The following GDF1 variants were observed in gnomAD, a reference collection of about 807,000 sequenced individuals.
GDF1 encodes embryonic growth/differentiation factor 1.
Under a neutral mutation model 7.4 loss-of-function variants are expected in GDF1, and 8 were observed. That is an observed-to-expected ratio of 1.09 (90% CI 0.64 to 1.96). GDF1 has a LOEUF of 1.96. Ranked by LOEUF, GDF1 falls within the 30% of genes most tolerant of loss-of-function variation. GDF1 has a pLI of 0.00. For missense variants in GDF1, 574 were observed against 551.5 expected, an observed-to-expected ratio of 1.04 and a Z score of -0.41; for synonymous variants, 311 against 276.7, an observed-to-expected ratio of 1.12 and a Z score of -1.23.
At position 18,878,046 on chromosome 19, in the gene GDF1, A is replaced by G; in HGVS notation, c.-313+884T>C. On this transcript the variant is annotated intron_variant, in intron 6 of 7. Coordinates refer to ENST00000247005, the MANE Select transcript of GDF1 (RefSeq NM_001492.6). The surrounding 1 kb of genome is among the most constrained non-coding windows in gnomAD (Gnocchi z 4.6). ...AGCCCCGGATGTGTTAAATGTCTGC[A>G]TCTCGCACCTCCCGTTCCAAAAAAC... is the stretch of plus-strand genomic sequence containing the variant. 1 of 985,400 alleles carries G rather than the reference A, an allele frequency of 1.0e-6. No individual in the cohort carries two copies. Among genetic ancestry groups the G allele is most frequent in the Non-Finnish European group, 1.2e-6 (1 of 829,962 alleles). The allele number at this position is 985,400 out of a possible 1,614,324, so 61.0% of individuals were successfully genotyped here. A position where few individuals can be genotyped will look rare whatever the true frequency, so the allele number is the denominator to read the frequency against.
rs996386218 is a variant in GDF1 at position 18,870,280 on chromosome 19, C to T, written c.28G>A (p.Gly10Ser). MPPPQQGPC[G>S]HHLLLLLALL... ...GCCAGGAGGAGGAGGAGGTGGTGGC[C>T]GCAGGGACCTTGCTGCGGCGGTGGC... Residue 10 changes from glycine to serine, a missense_variant, in exon 7 of 8, where the codon GGC becomes AGC. Gly to Ser is a moderately conservative substitution (Grantham distance 56). Coordinates refer to ENST00000247005, the MANE Select transcript of GDF1 (RefSeq NM_001492.6). This position sits in a 1 kb window ranked among gnomAD's most constrained non-coding sequence, Gnocchi z 5.1. 11 of 1,549,228 alleles carry T rather than the reference C, an allele frequency of 7.1e-6. No homozygotes were observed. The highest frequency in any genetic ancestry group is 1.2e-5 in the South Asian group (1 of 84,246).
chr19:18,873,672 C>T (rs1277816479), intron 6 of GDF1, among the ~76,000 whole-genome samples: 1 of 151,312 alleles, frequency 6.6e-6, no homozygotes, highest in Non-Finnish European at 1.5e-5. Flanking sequence ...AACCTCATCT[C>T]TACTAAAAAA....
chr19:18,888,889 C>CT (rs756124590), intron 2 of GDF1, among the ~76,000 whole-genome samples: 3,202 of 122,868 alleles, frequency 0.026, 98 homozygotes, highest in African/African-American at 0.056. Flanking sequence ...TTCTTTCTTT[C>CT]TTTTTTTTTT....
chr19:18,886,484 C>T (rs60012134), intron 2 of GDF1, among the ~76,000 whole-genome samples: 5,788 of 152,022 alleles, frequency 0.038, 349 homozygotes, highest in African/African-American at 0.13. Flanking sequence ...TGAAGGGAGG[C>T]AGAGGTGGTG....
Position 18,876,275 on chromosome 19 carries a change from C to T in GDF1, c.-313+2655G>A, listed in dbSNP as rs1013640063. Among the ~76,000 whole-genome samples, 12 of 152,202 alleles carry T rather than the reference C, an allele frequency of 7.9e-5. No homozygotes were observed. The South Asian group carries it at 8.3e-4, about 11-fold the overall frequency. ...TGCTGGGATTACAGGCGTGAGCCAC[C>T]GCGCCTGGTCTTCAATGCCATTTTT... On this transcript the variant is annotated intron_variant, in intron 6 of 7. Transcript: ENST00000247005.
chr19:18,885,126 C>T (rs2056317845), intron 2 of GDF1, among the ~76,000 whole-genome samples: 1 of 152,184 alleles, frequency 6.6e-6, no homozygotes, highest in South Asian at 2.1e-4. Flanking sequence ...ATTTCCATTT[C>T]CCTGGCTTTA....
chr19:18,895,892 G>T lies in GDF1; in HGVS notation c.-1142C>A, dbSNP rs1330389032. On this transcript the variant is annotated 5_prime_UTR_variant, in exon 1 of 8. It adds an upstream start codon to the 5' untranslated region. Transcript: ENST00000247005. The surrounding 1 kb of genome is among the most constrained non-coding windows in gnomAD (Gnocchi z 6.4). The stretch of plus-strand genomic sequence containing the variant: ...CCCAGCGCGCCGAGCGCCAGCAGCA[G>T]CAGCTCGGGCGGCGCCAGGTGCGCG... The T allele has an allele frequency of 1.9e-5, 24 of 1,268,174 alleles. No homozygotes were observed. Among genetic ancestry groups the T allele is most frequent in the Non-Finnish European group, 2.4e-5 (24 of 1,007,572 alleles). The allele number at this position is 1,268,174 out of a possible 1,614,324, so 78.6% of individuals were successfully genotyped here. A position where few individuals can be genotyped will look rare whatever the true frequency, so the allele number is the denominator to read the frequency against.
intron 2 of GDF1, among the ~76,000 whole-genome samples, chr19:18,886,321 G>A (rs1025578709): frequency 8.5e-5 from 13 of 152,196 alleles, no homozygotes; most frequent in Non-Finnish European, 1.6e-4. Flanking sequence ...AGGCCGAGGC[G>A]GGCGGATCAC....
At position 18,896,126 on chromosome 19, in the gene GDF1, G is replaced by A. The variant is rs1228852904; in HGVS notation, c.-1376C>T. 2 of 704,150 alleles carry A rather than the reference G, an allele frequency of 2.8e-6. No homozygotes were observed. Among genetic ancestry groups the A allele is most frequent in the African/African-American group, 2.0e-5 (1 of 51,112 alleles). 43.6% of individuals were successfully genotyped at this position (704,150 alleles called of 1,614,324 possible). On this transcript the variant is annotated 5_prime_UTR_variant, in exon 1 of 8. Coordinates refer to ENST00000247005, the MANE Select transcript of GDF1 (RefSeq NM_001492.6). The surrounding 1 kb of genome is among the most constrained non-coding windows in gnomAD (Gnocchi z 5.9). ...CCTGCGCCCGCCCGCGGTAGCCGAC[G>A]GAGCCGCGCGCCCCGCGTCACGCGC...
At chr19:18,884,709 CTTT>C (rs36074874) in intron 2 of GDF1, among the ~76,000 whole-genome samples, 6 of 69,132 alleles carry the variant, frequency 8.7e-5, no homozygotes, top group Non-Finnish European at 1.5e-4. Flanking sequence ...GCCCAGCCGT[CTTT>C]TTTTTTTTTT....
At chr19:18,874,459 G>A (rs1034698495) in intron 6 of GDF1, among the ~76,000 whole-genome samples, 1 of 152,158 alleles carries the variant, frequency 6.6e-6, no homozygotes, top group East Asian at 1.9e-4. Context: ...GTGAGTCACC[G>A]TGCCCAGCCC....
chr19:18,889,574 G>A (rs1457745697), intron 2 of GDF1, among the ~76,000 whole-genome samples: 5 of 152,152 alleles, frequency 3.3e-5, no homozygotes, highest in Non-Finnish European at 2.9e-5. Flanking sequence ...ACAGGCACGC[G>A]CCACCATATC....
At position 18,868,573 on chromosome 19, in the gene GDF1, GC is replaced by G; in HGVS notation, c.*23del. The G allele has an allele frequency of 6.6e-7, 1 of 1,515,282 alleles. No homozygotes were observed. Among genetic ancestry groups the G allele is most frequent in the Non-Finnish European group, 9.0e-7 (1 of 1,115,690 alleles). 93.9% of individuals were successfully genotyped at this position (1,515,282 alleles called of 1,614,324 possible). On this transcript the variant is annotated 3_prime_UTR_variant, in exon 8 of 8. Transcript: ENST00000247005. ...CAGACCACGCGGCATTTATTGTTGG[GC>G]CCGCGTCCCTGCCCGCCCCGGGTTA...
intron 6 of GDF1, among the ~76,000 whole-genome samples, chr19:18,872,145 A>AC (rs2055981580): frequency 6.6e-6 from 1 of 152,192 alleles, no homozygotes; most frequent in African/African-American, 2.4e-5. Context: ...CTCTAATGGT[A>AC]AAGTTTAGCA....
Position 18,895,283 on chromosome 19 carries a change from G to A in GDF1, c.-1074+541C>T, listed in dbSNP as rs775014538. 6.6e-5 allele frequency among the ~76,000 whole-genome samples: 10 copies of A among 152,154 alleles called. No individual in the cohort carries two copies. The highest frequency in any genetic ancestry group is 1.3e-4 in the Non-Finnish European group (9 of 68,022). ...GGGCAAGCCGGCCCCGCCGCCGCAC[G>A]GACCCAGCAGAAAACGGGCAGCGGA... On this transcript the variant is annotated intron_variant, in intron 1 of 7. Coordinates refer to ENST00000247005, the MANE Select transcript of GDF1 (RefSeq NM_001492.6). The surrounding 1 kb of genome is among the most constrained non-coding windows in gnomAD (Gnocchi z 6.4).
chr19:18,879,122 G>A, intron 5 of GDF1, 83 bp from the exon 6 acceptor site: 1 of 1,586,246 alleles, frequency 6.3e-7, no homozygotes. Context: ...CCTGTCCCGG[G>A]CCCTCCACAC....
chr19:18,880,426 A>AT lies in GDF1; in HGVS notation c.-724dup. ...GCAGGAAGAGCACAAGGATGCCCAC[A>AT]TTGTGGTACCTGGGGGAGCAGCAGG... On this transcript the variant is annotated 5_prime_UTR_variant, in exon 4 of 8. The change creates a new upstream start codon in the 5' untranslated region. Transcript: ENST00000247005. 1 of 1,585,454 alleles carries AT rather than the reference A, an allele frequency of 6.3e-7. No homozygotes were observed.
At chr19:18,873,840 C>CA (rs2056016773) in intron 6 of GDF1, among the ~76,000 whole-genome samples, 1 of 132,048 alleles carries the variant, frequency 7.6e-6, no homozygotes, top group South Asian at 2.3e-4. Context: ...GACTCTGTCT[C>CA]GAAAAAAAAA....
In GDF1 at chr19:18,895,891, A is replaced by T; in HGVS notation, c.-1141T>A. ...GCCCAGCGCGCCGAGCGCCAGCAGC[A>T]GCAGCTCGGGCGGCGCCAGGTGCGC... On this transcript the variant is annotated 5_prime_UTR_variant, in exon 1 of 8. Coordinates refer to ENST00000247005, the MANE Select transcript of GDF1 (RefSeq NM_001492.6). The surrounding 1 kb of genome is among the most constrained non-coding windows in gnomAD (Gnocchi z 6.4). 4 of 1,271,124 alleles carry T rather than the reference A, an allele frequency of 3.1e-6. No homozygotes were observed. The highest frequency in any genetic ancestry group is 4.0e-6 in the Non-Finnish European group (4 of 1,009,176). 78.7% of individuals were successfully genotyped at this position (1,271,124 alleles called of 1,614,324 possible).
Sources: allele counts gnomAD v4.1 joint callset (sites outside exome capture counted in the v4.1 genomes callset), GRCh38; gene constraint gnomAD v4.1.1; non-coding constraint Gnocchi (gnomAD v3.1); transcripts MANE v1.5; gene names NCBI Gene and HGNC (gene_info 2026-07-23, HGNC 2026-07-21).